PDE3B: variants seen among roughly 807,000 people sequenced by gnomAD.
PDE3B encodes the protein cGMP-inhibited 3',5'-cyclic phosphodiesterase 3B.
Under a neutral mutation model 116.8 loss-of-function variants are expected in PDE3B, and 66 were observed. The ratio of observed to expected loss-of-function variants is 0.56; its 90% CI spans 0.46 to 0.69. The LOEUF (loss-of-function observed/expected upper bound fraction) is 0.69, where lower values mean the gene tolerates loss of function less well. PDE3B is among the 30% of genes least tolerant of loss of function. The pLI is 0.00. For missense variants in PDE3B, 1,384 were observed against 1,368.1 expected (o/e 1.01, Z -0.18); for synonymous variants, 595 against 533.6 (o/e 1.12, Z -1.59).
intron 5 of PDE3B, among the ~76,000 whole-genome samples, chr11:14,812,868 C>T (rs1228581505): frequency 6.6e-6 from 1 of 152,170 alleles, no homozygotes; most frequent in Non-Finnish European, 1.5e-5. Flanking sequence ...ACCTAATCCT[C>T]AGTGTGATGG....
chr11:14,813,103 T>A (rs1859203309), intron 5 of PDE3B, among the ~76,000 whole-genome samples: 1 of 152,242 alleles, frequency 6.6e-6, no homozygotes, highest in African/African-American at 2.4e-5. Context: ...ACTGTGAGAA[T>A]AAATTTCTCT....
chr11:14,893,903 GA>G, the PDE3B span, among the ~76,000 whole-genome samples: 1 of 152,140 alleles, frequency 6.6e-6, no homozygotes, highest in South Asian at 2.1e-4. Flanking sequence ...GCCTACTATA[GA>G]AGAGAAATTT....
intron 9 of PDE3B, among the ~76,000 whole-genome samples, chr11:14,832,347 AG>A (rs937736116): frequency 1.3e-5 from 2 of 152,242 alleles, no homozygotes; most frequent in African/African-American, 4.8e-5. Flanking sequence ...ATTTAATTGA[AG>A]TTCTTAGGGA....
chr11:14,858,578 C>T (rs370125354), intron 12 of PDE3B, among the ~76,000 whole-genome samples: 2 of 152,116 alleles, frequency 1.3e-5, no homozygotes, highest in East Asian at 1.9e-4. Context: ...TCTTACTTAC[C>T]CTGGACAGTA....
At chr11:14,779,424 T>C (rs970100714) in intron 2 of PDE3B, among the ~76,000 whole-genome samples, 6 of 152,270 alleles carry the variant, frequency 3.9e-5, no homozygotes, top group African/African-American at 1.4e-4. Flanking sequence ...GAGAGAAAGG[T>C]CGGGTTACCC....
At chr11:14,677,888 TA>T (rs1471302741) in intron 1 of PDE3B, among the ~76,000 whole-genome samples, 1 of 152,212 alleles carries the variant, frequency 6.6e-6, no homozygotes, top group Non-Finnish European at 1.5e-5. Flanking sequence ...TGTTAAGTAG[TA>T]GTCCATTGAT....
intron 14 of PDE3B, among the ~76,000 whole-genome samples, chr11:14,865,478 C>A (rs1248768310): frequency 3.9e-5 from 6 of 152,128 alleles, no homozygotes; most frequent in African/African-American, 1.4e-4. Context: ...TATAACCATG[C>A]ACCTGGTATA....
chr11:14,766,713 A>G (rs1336317635), intron 1 of PDE3B, among the ~76,000 whole-genome samples: 1 of 151,594 alleles, frequency 6.6e-6, no homozygotes, highest in Non-Finnish European at 1.5e-5. Context: ...CAGTTAGTGT[A>G]GTACTCATTG....
intron 1 of PDE3B, among the ~76,000 whole-genome samples, chr11:14,683,645 A>G (rs1854780099): frequency 6.6e-6 from 1 of 151,636 alleles, no homozygotes. Context: ...AATTTTCTCT[A>G]TTATTTTTCT....
the PDE3B span, chr11:14,891,970 C>G: frequency 6.2e-7 from 1 of 1,612,108 alleles, no homozygotes; most frequent in Non-Finnish European, 8.5e-7. Context: ...CGGGGCCCGT[C>G]GGGGCTGTAC....
chr11:14,663,684 T>C (rs985775183), intron 1 of PDE3B, among the ~76,000 whole-genome samples: 1 of 152,088 alleles, frequency 6.6e-6, no homozygotes, highest in Non-Finnish European at 1.5e-5. Flanking sequence ...GGCCATTACA[T>C]AAGGGTAAAG....
chr11:14,741,276 T>C (rs999037679), intron 1 of PDE3B, among the ~76,000 whole-genome samples: 2 of 152,152 alleles, frequency 1.3e-5, no homozygotes, highest in African/African-American at 4.8e-5. Context: ...ATTATGAATC[T>C]GGGTGCTCGT....
chr11:14,703,035 A>G (rs1004523659), intron 1 of PDE3B, among the ~76,000 whole-genome samples: 1 of 151,852 alleles, frequency 6.6e-6, no homozygotes, highest in Non-Finnish European at 1.5e-5. Context: ...AGAGATCCAA[A>G]TCCTGGTCTT....
intron 1 of PDE3B, among the ~76,000 whole-genome samples, chr11:14,749,899 C>CATATATATATATATATATATATATAT (rs66919202): frequency 0.025 from 1,921 of 77,196 alleles, 252 homozygotes; most frequent in Admixed American, 0.07. Context: ...AAATATATCC[C>CATATATATATATATATATATATATAT]ATATATATAT....
the PDE3B span, chr11:14,890,799 C>A: frequency 1.1e-6 from 1 of 894,822 alleles, no homozygotes; most frequent in Non-Finnish European, 1.3e-6. Flanking sequence ...CCGCCCGCCT[C>A]GGCCTCCTAA....
At chr11:14,841,599 C>G (rs1370375972) in intron 11 of PDE3B, among the ~76,000 whole-genome samples, 1 of 146,888 alleles carries the variant, frequency 6.8e-6, no homozygotes, top group African/African-American at 2.5e-5. Flanking sequence ...TAAGGAAATA[C>G]CTGAGACTGA....
intron 1 of PDE3B, among the ~76,000 whole-genome samples, chr11:14,654,268 C>T (rs1001355582): frequency 6.6e-6 from 1 of 151,850 alleles, no homozygotes; most frequent in Non-Finnish European, 1.5e-5. Context: ...AATTACAGAA[C>T]CTTAAATAAA....
chr11:14,810,487 G>A (rs1361289864), intron 5 of PDE3B, among the ~76,000 whole-genome samples: 1 of 151,992 alleles, frequency 6.6e-6, no homozygotes, highest in African/African-American at 2.4e-5. Context: ...TCCCTACAAA[G>A]GACATGAACT....
chr11:14,792,865 CCTT>C (rs1858433456), intron 4 of PDE3B, among the ~76,000 whole-genome samples: 1 of 152,154 alleles, frequency 6.6e-6, no homozygotes, highest in African/African-American at 2.4e-5. Flanking sequence ...ACCTGGAGGT[CCTT>C]CTCCCTTCTC....
Sources: gnomAD v4.1 joint callset for allele counts (sites outside exome capture counted in the v4.1 genomes callset) on GRCh38, gnomAD v4.1.1 for gene constraint, MANE v1.5 for transcripts, NCBI Gene and HGNC (gene_info 2026-07-23, HGNC 2026-07-21) for gene names.